ZDHHC15: variants seen among roughly 807,000 people sequenced by gnomAD.
ZDHHC15 encodes palmitoyltransferase ZDHHC15.
A neutral mutation model predicts 31.7 loss-of-function variants in ZDHHC15; 19 were observed. The ratio of observed to expected loss-of-function variants is 0.60; its 90% CI spans 0.42 to 0.88. The LOEUF (loss-of-function observed/expected upper bound fraction) is 0.88, where lower values mean the gene tolerates loss of function less well. ZDHHC15 is among the 40% of genes least tolerant of loss of function. The pLI, the probability that ZDHHC15 is intolerant of heterozygous loss-of-function variation, is 0.00. For synonymous variants in ZDHHC15, 103 were observed against 90.0 expected (o/e 1.14, Z -0.82); for missense variants, 209 against 251.2 (o/e 0.83, Z 1.14).
chrX:75,434,324 G>A (rs1211014556), intron 4 of ZDHHC15, among the ~76,000 whole-genome samples: 1 of 111,693 alleles, frequency 9.0e-6, no homozygotes, highest in Non-Finnish European at 1.9e-5. Context: ...CTATGCAGAA[G>A]CTTTCTAGTT....
chrX:75,376,124 T>C (rs144441379), intron 11 of ZDHHC15, among the ~76,000 whole-genome samples: 191 of 111,370 alleles, frequency 1.7e-3, no homozygotes, highest in African/African-American at 6.0e-3. Flanking sequence ...TAGTACCTCA[T>C]TGCGGTTTGG....
At chrX:75,434,769 G>C (rs1192962262) in intron 4 of ZDHHC15, among the ~76,000 whole-genome samples, 1 of 112,078 alleles carries the variant, frequency 8.9e-6, no homozygotes, top group Admixed American at 9.5e-5. Flanking sequence ...GTCAGGTAAC[G>C]TGATGCCTCC....
At chrX:75,518,773 A>G (rs184040036) in intron 1 of ZDHHC15, among the ~76,000 whole-genome samples, 8 of 19,076 alleles carry the variant, frequency 4.2e-4, no homozygotes, top group African/African-American at 1.3e-3. Flanking sequence ...AAACTGGTAT[A>G]TATATATATA....
chrX:75,455,860 C>T, intron 3 of ZDHHC15, among the ~76,000 whole-genome samples: 1 of 111,877 alleles, frequency 8.9e-6, no homozygotes, highest in East Asian at 2.8e-4. Flanking sequence ...ACAACAGTTG[C>T]TGGAGAGGAT....
intron 1 of ZDHHC15, among the ~76,000 whole-genome samples, chrX:75,506,901 T>A (rs2085174822): frequency 8.9e-6 from 1 of 112,004 alleles, no homozygotes. Context: ...GGCTGAATAC[T>A]TGCAGCTAAA....
intron 3 of ZDHHC15, among the ~76,000 whole-genome samples, chrX:75,477,395 C>T (rs1243803340): frequency 9.0e-6 from 1 of 111,569 alleles, no homozygotes; most frequent in East Asian, 2.8e-4. Flanking sequence ...TCAAATCCTC[C>T]ATTTCCTTAT....
At chrX:75,376,461 C>T (rs1459985363) in intron 11 of ZDHHC15, among the ~76,000 whole-genome samples, 1 of 111,133 alleles carries the variant, frequency 9.0e-6, no homozygotes, top group African/African-American at 3.3e-5. Flanking sequence ...GGGACTTGGC[C>T]AAAAATTCTT....
chrX:75,384,609 A>G, intron 10 of ZDHHC15: 1 of 826,068 alleles, frequency 1.2e-6, no homozygotes, highest in Non-Finnish European at 1.8e-6. Flanking sequence ...TTGCCAAGAG[A>G]ATTAATGTGC....
chrX:75,472,661 C>T lies in ZDHHC15; in HGVS notation c.258+6230G>A, dbSNP rs747996204. ...GATTTTAATAATCAAGTGGATAGGA[C>T]GACCTGTTCTGTGGACATCACTCAG... On this transcript the variant is annotated intron_variant, in intron 3 of 11. Coordinates refer to ENST00000373367, the MANE Select transcript of ZDHHC15 (RefSeq NM_144969.3). 2.3e-4 allele frequency among the ~76,000 whole-genome samples: 26 copies of T among 112,070 alleles called. No homozygotes were observed. The East Asian group carries it at 4.8e-3, about 21-fold the overall frequency.
intron 4 of ZDHHC15, among the ~76,000 whole-genome samples, chrX:75,433,689 GTGTGTGTGTATATATA>G (rs1254438535): frequency 5.0e-4 from 6 of 11,962 alleles, no homozygotes; most frequent in South Asian, 3.3e-3. Flanking sequence ...GTGTGTGTGT[GTGTGTGTGTATATATA>G]TATATATATA....
At chrX:75,510,529 AT>A (rs2085247160) in intron 1 of ZDHHC15, among the ~76,000 whole-genome samples, 1 of 55,331 alleles carries the variant, frequency 1.8e-5, no homozygotes, top group Non-Finnish European at 4.6e-5. Flanking sequence ...TCTTCGGAAA[AT>A]TTCTTTTTTT....
intron 2 of ZDHHC15, among the ~76,000 whole-genome samples, chrX:75,481,386 T>A (rs1377987997): frequency 1.8e-5 from 2 of 111,790 alleles, no homozygotes; most frequent in Non-Finnish European, 3.8e-5. Flanking sequence ...TATTTTTAAT[T>A]CCAATGATTG....
intron 4 of ZDHHC15, among the ~76,000 whole-genome samples, chrX:75,447,222 T>A (rs1213251510): frequency 8.9e-6 from 1 of 112,011 alleles, no homozygotes; most frequent in African/African-American, 3.2e-5. Context: ...CAACCTGGTA[T>A]CAGGTTGATT....
intron 2 of ZDHHC15, among the ~76,000 whole-genome samples, chrX:75,483,652 T>C (rs2084729950): frequency 8.9e-6 from 1 of 112,348 alleles, no homozygotes; most frequent in Non-Finnish European, 1.9e-5. Flanking sequence ...GTTTCATTGA[T>C]TCATTGATCT....
At chrX:75,486,150 A>G (rs1477760649) in intron 2 of ZDHHC15, among the ~76,000 whole-genome samples, 1 of 112,639 alleles carries the variant, frequency 8.9e-6, no homozygotes, top group Non-Finnish European at 1.9e-5. Context: ...CAACCTCCAA[A>G]CATACATCCC....
At chrX:75,503,720 G>T (rs1227532749) in intron 2 of ZDHHC15, among the ~76,000 whole-genome samples, 1 of 111,293 alleles carries the variant, frequency 9.0e-6, no homozygotes, top group Non-Finnish European at 1.9e-5. Flanking sequence ...AATTTATCAG[G>T]AATTGTATTT....
At chrX:75,519,485 T>C (rs1238723769) in intron 1 of ZDHHC15, among the ~76,000 whole-genome samples, 1 of 111,173 alleles carries the variant, frequency 9.0e-6, no homozygotes, top group African/African-American at 3.3e-5. Context: ...ACAACTGAGG[T>C]TGAGAGAGTG....
chrX:75,421,945 C>A lies in ZDHHC15; in HGVS notation c.782G>T (p.Gly261Val), dbSNP rs1186162596. The change falls in exon 9 of 12, where the codon GGG becomes GTG. Residue 261 changes from glycine to valine, a missense_variant. Coordinates refer to ENST00000373367, the MANE Select transcript of ZDHHC15 (RefSeq NM_144969.3). ...PVFTSGPEKN[G>V]FNLGFIKNIQ... ...ATTCTTGATGAAGCCAAGGTTGAACCCATTTTTCTCTGGGCCACTTGTAAA... is the reference window on the plus strand; with the variant it reads ...ATTCTTGATGAAGCCAAGGTTGAACACATTTTTCTCTGGGCCACTTGTAAA... 8.3e-7 allele frequency: 1 copy of A among 1,210,265 alleles called. No individual in the cohort carries two copies. Among genetic ancestry groups the A allele is most frequent in the Admixed American group, 2.2e-5 (1 of 45,868 alleles).
chrX:75,507,106 T>C (rs2085179455), intron 1 of ZDHHC15, among the ~76,000 whole-genome samples: 1 of 111,554 alleles, frequency 9.0e-6, no homozygotes, highest in African/African-American at 3.3e-5. Flanking sequence ...TTGGTTTATA[T>C]GACCCAAGAG....
Sources: allele counts gnomAD v4.1 joint callset (sites outside exome capture counted in the v4.1 genomes callset), GRCh38; gene constraint gnomAD v4.1.1; transcripts MANE v1.5; gene names NCBI Gene and HGNC (gene_info 2026-07-23, HGNC 2026-07-21).